Variants in DPYSL2 observed in about 807,000 individuals in gnomAD.
DPYSL2 encodes the protein dihydropyrimidinase-related protein 2.
DPYSL2 carries 13 observed loss-of-function variants against 69.9 expected under a neutral mutation model. The ratio of observed to expected loss-of-function variants is 0.19; its 90% confidence interval spans 0.12 to 0.30. DPYSL2 has a LOEUF of 0.30. Among genes scored for constraint, DPYSL2 ranks in the 10% least tolerant of loss-of-function variants. The pLI, the probability that DPYSL2 is intolerant of heterozygous loss-of-function variation, is 1.00. For synonymous variants in DPYSL2, 326 were observed against 359.1 expected (o/e 0.91, Z 1.04); for missense variants, 587 against 918.9 (o/e 0.64, Z 4.67).
At chr8:26,634,985 C>G in intron 8 of DPYSL2, 85 bp downstream of exon 8, 1 of 1,567,326 alleles carries the variant, frequency 6.4e-7, no homozygotes, top group Middle Eastern at 1.7e-4. Context: ...GCTCCTTTTC[C>G]AGACCCTCAT....
In DPYSL2 at chr8:26,591,008, A is replaced by G. The variant is rs1243183040; in HGVS notation, c.628+7025A>G. Among the ~76,000 whole-genome samples, 1 of 152,182 alleles carries G rather than the reference A, an allele frequency of 6.6e-6. No homozygotes were observed. The highest frequency in any genetic ancestry group is 1.9e-4 in the East Asian group (1 of 5,192). On this transcript the variant is annotated intron_variant, in intron 3 of 13. Coordinates refer to ENST00000521913, the MANE Select transcript of DPYSL2 (RefSeq NM_001197293.3). The surrounding 1 kb of genome is among the most constrained non-coding windows in gnomAD (Gnocchi z 5.8). ...TCGTGGACATTGTGGCAGTTATCAT[A>G]CTGTCCCAGGGTTTCTTGCCCCCAC...
At chr8:26,525,373 A>T (rs1808460232) in intron 1 of DPYSL2, among the ~76,000 whole-genome samples, 1 of 152,144 alleles carries the variant, frequency 6.6e-6, no homozygotes, top group Non-Finnish European at 1.5e-5. Flanking sequence ...GGCACATGCC[A>T]CCATGGCTGG....
chr8:26,582,192 G>A lies in DPYSL2; in HGVS notation c.443+135G>A, dbSNP rs1278521103. 5 of 647,078 alleles carry A rather than the reference G, an allele frequency of 7.7e-6. No homozygotes were observed. The highest frequency in any genetic ancestry group is 4.4e-5 in the South Asian group (2 of 45,098). 40.1% of individuals were successfully genotyped at this position (647,078 alleles called of 1,614,324 possible). A position where few individuals can be genotyped will look rare whatever the true frequency, so the allele number is the denominator to read the frequency against. ...CCAACTTAGTATCTGTTTTAAACTG[G>A]TTTTGATTGGTGGTAATTAGTGAAT... On this transcript the variant is annotated intron_variant, in intron 2 of 13. Coordinates refer to ENST00000521913, the MANE Select transcript of DPYSL2 (RefSeq NM_001197293.3). The surrounding 1 kb of genome is among the most constrained non-coding windows in gnomAD (Gnocchi z 4.1).
intron 3 of DPYSL2, among the ~76,000 whole-genome samples, chr8:26,615,838 C>T (rs1051341082): frequency 2.0e-5 from 3 of 152,096 alleles, no homozygotes; most frequent in African/African-American, 2.4e-5. Context: ...TTTAGCATTG[C>T]GGGAGAAACA....
chr8:26,521,722 TC>T (rs1046689828), intron 1 of DPYSL2, among the ~76,000 whole-genome samples: 2 of 152,174 alleles, frequency 1.3e-5, no homozygotes, highest in Admixed American at 6.5e-5. Flanking sequence ...GCTTTTTTTT[TC>T]CTGAGTGGAT....
At chr8:26,629,233 T>G (rs1802683175) in intron 7 of DPYSL2, among the ~76,000 whole-genome samples, 1 of 151,802 alleles carries the variant, frequency 6.6e-6, no homozygotes, top group Admixed American at 6.6e-5. Context: ...ACAACAGACA[T>G]AGACACACAT....
In DPYSL2 at chr8:26,588,873, G is replaced by A. The variant is rs1005306146; in HGVS notation, c.628+4890G>A. ...GTCATCCTAGCATCTTCATGTCCTC[G>A]TGCTGCCTTGAGTTGCTTTCATCTC... is the stretch of plus-strand genomic sequence containing the variant. On this transcript the variant is annotated intron_variant, in intron 3 of 13. Transcript: ENST00000521913. The surrounding 1 kb of genome is among the most constrained non-coding windows in gnomAD (Gnocchi z 5.4). Among the ~76,000 whole-genome samples the A allele has an allele frequency of 6.6e-6, 1 of 152,138 alleles. No homozygotes were observed. The highest frequency in any genetic ancestry group is 1.5e-5 in the Non-Finnish European group (1 of 68,020).
chr8:26,565,249 T>G lies in DPYSL2; in HGVS notation c.355-16720T>G, dbSNP rs1801130570. Among the ~76,000 whole-genome samples, 1 of 116,866 alleles carries G rather than the reference T, an allele frequency of 8.6e-6. No homozygotes were observed. The allele number at this position is 116,866 out of a possible 152,430, so 76.7% of individuals were successfully genotyped here. On this transcript the variant is annotated intron_variant, in intron 1 of 13. Transcript: ENST00000521913. The surrounding 1 kb of genome is among the most constrained non-coding windows in gnomAD (Gnocchi z 4.1). ...ACTTGTGCTGCAATAAACATAGGAG[T>G]GCAGGTGTCTTTTTGATATCATGAC...
Position 26,647,923 on chromosome 8 carries a change from A to G in DPYSL2, c.1596+123A>G, listed in dbSNP as rs1803206655. ...GTGATGGGAATGCGCTCGACTGAGG[A>G]TGTTATGATTTGCAATTTGCTGGGA... On this transcript the variant is annotated intron_variant, in intron 11 of 13. Coordinates refer to ENST00000521913, the MANE Select transcript of DPYSL2 (RefSeq NM_001197293.3). The surrounding 1 kb of genome is among the most constrained non-coding windows in gnomAD (Gnocchi z 5.1). 15 of 1,209,556 alleles carry G rather than the reference A, an allele frequency of 1.2e-5. No homozygotes were observed. The highest frequency in any genetic ancestry group is 1.7e-5 in the Non-Finnish European group (15 of 880,514). The allele number at this position is 1,209,556 out of a possible 1,614,324, so 74.9% of individuals were successfully genotyped here. A position where few individuals can be genotyped will look rare whatever the true frequency, so the allele number is the denominator to read the frequency against.
rs999453092 is a variant in DPYSL2, at chr8:26,624,616, G to C, written c.793+309G>C. ...CACCGTGCTCTCTAGCCAGGGTGGG[G>C]AGTTGAGGCTGCTGAGAGAGAGATT... On this transcript the variant is annotated intron_variant, in intron 4 of 13. Coordinates refer to ENST00000521913, the MANE Select transcript of DPYSL2 (RefSeq NM_001197293.3). This position sits in a 1 kb window ranked among gnomAD's most constrained non-coding sequence, Gnocchi z 4.7. Among the ~76,000 whole-genome samples the C allele has an allele frequency of 6.6e-6, 1 of 152,162 alleles. No homozygotes were observed. The highest frequency in any genetic ancestry group is 2.4e-5 in the African/African-American group (1 of 41,428).
rs927591475 is a variant in DPYSL2, at chr8:26,583,265, T to C, written c.444-534T>C. Among the ~76,000 whole-genome samples the C allele has an allele frequency of 5.9e-5, 9 of 152,258 alleles. 1 individual carries two copies. Among genetic ancestry groups the C allele is most frequent in the Admixed American group, 5.9e-4 (9 of 15,294 alleles). On this transcript the variant is annotated intron_variant, in intron 2 of 13. Transcript: ENST00000521913. ...AAATTATATTTCAGCTGTTAGCTTT[T>C]TCATTATCTGAATAACTAAACACAC...
In DPYSL2 at chr8:26,641,175, G is replaced by A. The variant is rs994995905; in HGVS notation, c.1127-2264G>A. 6.6e-6 allele frequency among the ~76,000 whole-genome samples: 1 copy of A among 152,152 alleles called. No individual in the cohort carries two copies. Among genetic ancestry groups the A allele is most frequent in the Non-Finnish European group, 1.5e-5 (1 of 68,030 alleles). ...CAGGCACAGGGAGAGGATGAGCGTC[G>A]GCAAGTTACAGGAAACTCAGGAAAA... is the stretch of plus-strand genomic sequence containing the variant. On this transcript the variant is annotated intron_variant, in intron 8 of 13. Transcript: ENST00000521913. This position sits in a 1 kb window ranked among gnomAD's most constrained non-coding sequence, Gnocchi z 4.1.
chr8:26,550,891 A>G (rs1240643412), intron 1 of DPYSL2, among the ~76,000 whole-genome samples: 1 of 152,200 alleles, frequency 6.6e-6, no homozygotes, highest in Non-Finnish European at 1.5e-5. Context: ...CAAGAGCTGG[A>G]GAACTCAGAG....
In DPYSL2 at chr8:26,586,983, A is replaced by G. The variant is rs570284810; in HGVS notation, c.628+3000A>G. 2.0e-5 allele frequency among the ~76,000 whole-genome samples: 3 copies of G among 152,212 alleles called. No homozygotes were observed. Among genetic ancestry groups the G allele is most frequent in the Admixed American group, 6.5e-5 (1 of 15,288 alleles). ...GAGAAAAGTACTAACTACTTTTGCA[A>G]ATAACCACCTATGTTTACTGACCTC... On this transcript the variant is annotated intron_variant, in intron 3 of 13. Transcript: ENST00000521913. The surrounding 1 kb of genome is among the most constrained non-coding windows in gnomAD (Gnocchi z 4.7).
chr8:26,622,125 CCTT>C (rs1287303013), intron 3 of DPYSL2, among the ~76,000 whole-genome samples: 4 of 51,086 alleles, frequency 7.8e-5, no homozygotes, highest in Non-Finnish European at 1.9e-4. Flanking sequence ...TTCCTTCCTT[CCTT>C]CCTTCCTTCC....
chr8:26,618,337 C>CAG (rs138612329), intron 3 of DPYSL2, among the ~76,000 whole-genome samples: 9,809 of 148,826 alleles, frequency 0.066, 354 homozygotes, highest in East Asian at 0.09. Flanking sequence ...TCTTAATAGA[C>CAG]AGTCTTTATC....
chr8:26,573,493 C>A (rs1367139324), intron 1 of DPYSL2, among the ~76,000 whole-genome samples: 1 of 151,830 alleles, frequency 6.6e-6, no homozygotes, highest in Admixed American at 6.6e-5. Context: ...ACGGTGAAAC[C>A]CTGTCTCTAC....
intron 1 of DPYSL2, chr8:26,577,024 A>T (rs1043055457): frequency 2.9e-6 from 1 of 341,728 alleles, no homozygotes; most frequent in African/African-American, 2.3e-5. Flanking sequence ...GCTGCTCCCC[A>T]TTCCTCCGCC....
chr8:26,520,282 C>G (rs1808364064), intron 1 of DPYSL2, among the ~76,000 whole-genome samples: 2 of 152,106 alleles, frequency 1.3e-5, no homozygotes, highest in African/African-American at 4.8e-5. Flanking sequence ...TCTTTATTAG[C>G]AGGGTGAGAA....
Sources: allele counts gnomAD v4.1 joint callset (sites outside exome capture counted in the v4.1 genomes callset), GRCh38; gene constraint gnomAD v4.1.1; non-coding constraint Gnocchi (gnomAD v3.1); transcripts MANE v1.5; gene names NCBI Gene and HGNC (gene_info 2026-07-23, HGNC 2026-07-21).